The following TXNDC15 variants were observed in gnomAD, a reference collection of about 807,000 sequenced individuals.
The protein encoded by TXNDC15 is thioredoxin domain-containing protein 15.
A neutral mutation model predicts 35.0 loss-of-function variants in TXNDC15; 24 were observed. The ratio of observed to expected loss-of-function variants is 0.68; its 90% CI spans 0.50 to 0.96. The LOEUF is 0.96. Among genes scored for constraint, TXNDC15 ranks in the 40% least tolerant of loss-of-function variants. The probability of loss-of-function intolerance (pLI) is 0.00; values close to 1 mark genes in which losing one functional copy is unlikely to be tolerated. For synonymous variants in TXNDC15, 169 were observed against 174.0 expected (o/e 0.97, Z 0.23); for missense variants, 385 against 453.3 (o/e 0.85, Z 1.37).
At chr5:134,880,156 G>C (rs7730090) in intron 1 of TXNDC15, among the ~76,000 whole-genome samples, 10,291 of 152,070 alleles carry the variant, frequency 0.068, 773 homozygotes, top group African/African-American at 0.19. Context: ...GTTCCAAATA[G>C]CAAAATAGAA....
intron 2 of TXNDC15, among the ~76,000 whole-genome samples, chr5:134,888,526 T>G (rs970252318): frequency 6.6e-6 from 1 of 152,182 alleles, no homozygotes; most frequent in African/African-American, 2.4e-5. Flanking sequence ...TCTTGTCACC[T>G]AGGCTGGAGT....
chr5:134,894,426 G>A (rs1047885560), intron 3 of TXNDC15, among the ~76,000 whole-genome samples: 1 of 147,936 alleles, frequency 6.8e-6, no homozygotes, highest in Non-Finnish European at 1.5e-5. Context: ...GGAGTGCAAT[G>A]GTGTGATCTA....
rs1195422838 is a variant in TXNDC15 at position 134,901,306 on chromosome 5, T to C, written c.*1621T>C. On this transcript the variant is annotated 3_prime_UTR_variant, in exon 5 of 5. Coordinates refer to ENST00000358387, the MANE Select transcript of TXNDC15 (RefSeq NM_024715.4). ...TGAATGGGAGTTTACAACTTTTATG[T>C]GTCATGTTTCCAACAGCTGTGTTTG... 1.3e-5 allele frequency: 2 copies of C among 152,216 alleles called. No individual in the cohort carries two copies. The highest frequency in any genetic ancestry group is 2.9e-5 in the Non-Finnish European group (2 of 68,040). 9.4% of individuals were successfully genotyped at this position (152,216 alleles called of 1,614,324 possible).
rs374295927 is a variant in TXNDC15 at position 134,890,347 on chromosome 5, T to TTTTTC, written c.591+2187_591+2191dup. Among the ~76,000 whole-genome samples, 903 of 151,724 alleles carry TTTTTC rather than the reference T, an allele frequency of 6.0e-3. 4 individuals carry two copies. The highest frequency in any genetic ancestry group is 8.8e-3 in the Non-Finnish European group (600 of 67,896). On this transcript the variant is annotated intron_variant, in intron 2 of 4. Coordinates refer to ENST00000358387, the MANE Select transcript of TXNDC15 (RefSeq NM_024715.4). ...GCCTGGCCCACAGTTTCGTTTCGTT[T>TTTTTC]TTTTCTTTTCTTTTCTTTTCTTTTC...
upstream of TXNDC15, chr5:134,874,349 A>AGGCTCTCCTCCCCC: frequency 7.8e-7 from 1 of 1,280,670 alleles, no homozygotes; most frequent in South Asian, 1.5e-5. Flanking sequence ...CCGCGCTCCC[A>AGGCTCTCCTCCCCC]GGCTCTCCTC....
Position 134,893,581 on chromosome 5 carries a change from C to T in TXNDC15, c.681C>T (p.Ala227=). 6.2e-7 allele frequency: 1 copy of T among 1,614,164 alleles called. No individual in the cohort carries two copies. The highest frequency in any genetic ancestry group is 1.1e-5 in the South Asian group (1 of 91,088). ...TPWCRFSASL[A]PHFNSLPRAF... is the part of the protein sequence containing the mutation. ...GGTGCCGCTTTTCTGCCAGTTTGGC[C>T]CCTCACTTTAACTCTCTGCCCCGGG... Residue 227 remains alanine (A), a synonymous_variant, in exon 3 of 5, where the codon GCC becomes GCT. Coordinates refer to ENST00000358387, the MANE Select transcript of TXNDC15 (RefSeq NM_024715.4).
intron 1 of TXNDC15, 111 bp from the exon 2 acceptor site, chr5:134,887,584 G>A (rs970713390): frequency 8.1e-6 from 11 of 1,355,832 alleles, no homozygotes; most frequent in Non-Finnish European, 9.0e-6. Flanking sequence ...AATGAAAGGA[G>A]ACCTTTTTGT....
intron 1 of TXNDC15, 78 bp from the exon 2 acceptor site, chr5:134,887,617 T>C: frequency 6.7e-7 from 1 of 1,501,876 alleles, no homozygotes; most frequent in Non-Finnish European, 8.9e-7. Flanking sequence ...AAATTTCGTG[T>C]TAGAGGGGAA....
At chr5:134,882,730 C>G (rs969312882) in intron 1 of TXNDC15, among the ~76,000 whole-genome samples, 1 of 152,052 alleles carries the variant, frequency 6.6e-6, no homozygotes, top group East Asian at 1.9e-4. Flanking sequence ...ATCGCAGGCA[C>G]TCGGCAGGCT....
intron 3 of TXNDC15, among the ~76,000 whole-genome samples, chr5:134,895,343 T>G (rs1370697340): frequency 6.6e-6 from 1 of 152,206 alleles, no homozygotes; most frequent in Non-Finnish European, 1.5e-5. Flanking sequence ...GCAGACTGAT[T>G]GGAAGGACAG....
intron 1 of TXNDC15, among the ~76,000 whole-genome samples, chr5:134,876,281 G>A (rs1750032081): frequency 6.6e-6 from 1 of 152,200 alleles, no homozygotes; most frequent in Admixed American, 6.5e-5. Context: ...CTTCCATTGT[G>A]TTGGAATGAG....
chr5:134,879,687 T>C (rs1229525222), intron 1 of TXNDC15, among the ~76,000 whole-genome samples: 1 of 152,162 alleles, frequency 6.6e-6, no homozygotes, highest in Non-Finnish European at 1.5e-5. Flanking sequence ...CTTCTCTGGA[T>C]TGTAGTCACA....
At chr5:134,890,540 A>AC (rs1479438808) in intron 2 of TXNDC15, among the ~76,000 whole-genome samples, 5 of 151,800 alleles carry the variant, frequency 3.3e-5, no homozygotes, top group African/African-American at 1.2e-4. Flanking sequence ...CTCGCCGAAT[A>AC]ACTGGGATTA....
chr5:134,874,054 G>C (rs1198916086), upstream of TXNDC15: 1 of 178,030 alleles, frequency 5.6e-6, no homozygotes, highest in African/African-American at 2.4e-5. Flanking sequence ...GGGCCTTTCT[G>C]GCTCTGGGAA....
intron 1 of TXNDC15, among the ~76,000 whole-genome samples, chr5:134,878,105 TTTCACCATGTTGGCCAGGC>T (rs1750076383): frequency 6.6e-6 from 1 of 152,184 alleles, no homozygotes; most frequent in African/African-American, 2.4e-5. Context: ...AGAGATGGGG[TTTCACCATGTTGGCCAGGC>T]TGGTCTTGAA....
rs183792230 is a variant in TXNDC15 at position 134,898,680 on chromosome 5, T to C, written c.887-809T>C. ...GAGGGAGCCATTTTATTCAGTGCTC[T>C]AAGAAAACCTAGAACACAAATCTGG... On this transcript the variant is annotated intron_variant, in intron 4 of 4. Coordinates refer to ENST00000358387, the MANE Select transcript of TXNDC15 (RefSeq NM_024715.4). 2.6e-5 allele frequency among the ~76,000 whole-genome samples: 4 copies of C among 152,338 alleles called. No homozygotes were observed. In the East Asian group the frequency reaches 7.7e-4, roughly 29 times the overall value.
intron 1 of TXNDC15, among the ~76,000 whole-genome samples, chr5:134,882,659 G>A (rs944036324): frequency 1.3e-5 from 2 of 152,288 alleles, no homozygotes; most frequent in African/African-American, 4.8e-5. Flanking sequence ...CCAACACAGC[G>A]AAACCCCGTC....
rs117717058 is a variant in TXNDC15 at position 134,889,220 on chromosome 5, C to T, written c.591+1038C>T. On this transcript the variant is annotated intron_variant, in intron 2 of 4. Coordinates refer to ENST00000358387, the MANE Select transcript of TXNDC15 (RefSeq NM_024715.4). The stretch of plus-strand genomic sequence containing the variant: ...TGGATTAAACAGGTGGTGGCAGGGA[C>T]GGTGTACCCTTTTTCTTTTTTTGAC... Among the ~76,000 whole-genome samples, 51 of 152,200 alleles carry T rather than the reference C, an allele frequency of 3.4e-4. No homozygotes were observed. In the East Asian group the frequency reaches 5.4e-3, roughly 16 times the overall value.
At chr5:134,885,183 A>G (rs767668142) in intron 1 of TXNDC15, among the ~76,000 whole-genome samples, 16 of 152,082 alleles carry the variant, frequency 1.1e-4, no homozygotes, top group Non-Finnish European at 2.1e-4. Context: ...CGGCCTTCCA[A>G]ATTGCTGGGA....
Sources: gnomAD v4.1 joint callset for allele counts (sites outside exome capture counted in the v4.1 genomes callset) on GRCh38, gnomAD v4.1.1 for gene constraint, MANE v1.5 for transcripts, NCBI Gene and HGNC (gene_info 2026-07-23, HGNC 2026-07-21) for gene names.